APAF1: variants seen among roughly 807,000 people sequenced by gnomAD.
APAF1 encodes apoptotic peptidase activating factor 1.
In APAF1, 91 loss-of-function variants were observed where a neutral mutation model predicts 152.4. The ratio of observed to expected loss-of-function variants is 0.60; its 90% CI spans 0.50 to 0.71. The LOEUF (loss-of-function observed/expected upper bound fraction) is 0.71, where lower values mean the gene tolerates loss of function less well. Among genes scored for constraint, APAF1 ranks in the 30% least tolerant of loss-of-function variants. The pLI is 0.00. For missense variants in APAF1, 1,283 were observed against 1,472.0 expected, an observed-to-expected ratio of 0.87 and a Z score of 2.10; for synonymous variants, 484 against 494.1, an observed-to-expected ratio of 0.98 and a Z score of 0.27.
At chr12:98,699,978 G>A (rs2097713649) in intron 17 of APAF1, among the ~76,000 whole-genome samples, 1 of 151,966 alleles carries the variant, frequency 6.6e-6, no homozygotes, top group Non-Finnish European at 1.5e-5. Context: ...TTTTCAAAGT[G>A]TTTTCTTACA....
At chr12:98,703,330 A>G (rs1453870025) in intron 17 of APAF1, 41 bp from the exon 18 acceptor site, 2 of 1,608,894 alleles carry the variant, frequency 1.2e-6, no homozygotes, top group Non-Finnish European at 1.7e-6. Flanking sequence ...TTATCTCTTA[A>G]AGTATTTTAC....
intron 5 of APAF1, among the ~76,000 whole-genome samples, chr12:98,660,529 T>C (rs1204385425): frequency 6.6e-6 from 1 of 152,200 alleles, no homozygotes; most frequent in African/African-American, 2.4e-5. Flanking sequence ...CAGGCACTGT[T>C]ATCAAGTGTT....
chr12:98,678,123 A>T (rs369243616), intron 13 of APAF1, among the ~76,000 whole-genome samples: 2 of 152,362 alleles, frequency 1.3e-5, no homozygotes, highest in East Asian at 3.9e-4. Context: ...TCTTTGCAAG[A>T]TTATGACTCC....
intron 21 of APAF1, 53 bp from the exon 22 acceptor site, chr12:98,715,373 TG>T: frequency 6.3e-7 from 1 of 1,575,700 alleles, no homozygotes; most frequent in South Asian, 1.1e-5. Context: ...TGGGGTGTAA[TG>T]CCTATGTATT....
intron 3 of APAF1, 160 bp downstream of exon 3, chr12:98,648,975 A>G (rs551574711): frequency 1.0e-4 from 85 of 817,082 alleles, no homozygotes; most frequent in Non-Finnish European, 1.3e-4. Context: ...TTTTATTTGC[A>G]TCCACATTAA....
At chr12:98,669,750 A>C (rs2153319249) in intron 10 of APAF1, among the ~76,000 whole-genome samples, 1 of 152,252 alleles carries the variant, frequency 6.6e-6, no homozygotes, top group Middle Eastern at 3.4e-3. Flanking sequence ...GTGCAGTTTA[A>C]ATTTTAATAC....
In APAF1 at chr12:98,677,589, G is replaced by C. The variant is rs147417898; in HGVS notation, c.1920+38G>C. 6,442 of 1,613,674 alleles carry C rather than the reference G, an allele frequency of 4.0e-3. 18 individuals are homozygous for C. The highest frequency in any genetic ancestry group is 4.8e-3 in the Non-Finnish European group (5,671 of 1,179,734). On this transcript the variant is annotated intron_variant, in intron 13 of 26. Coordinates refer to ENST00000551964, the MANE Select transcript of APAF1 (RefSeq NM_181861.2). Reference sequence around the variant, plus strand: ...TCTTGAGAAAAATGCAAAGAGGCATGTATCCAGTTTTGTGCAGATCAGAAT... The same window carrying C: ...TCTTGAGAAAAATGCAAAGAGGCATCTATCCAGTTTTGTGCAGATCAGAAT...
Position 98,700,715 on chromosome 12 carries a change from C to T in APAF1, c.2466+1146C>T, listed in dbSNP as rs542455334. ...TGTAGCCATTACTACTATATATTTC[C>T]AAAACTTTTTCATCACCCTAAACAG... On this transcript the variant is annotated intron_variant, in intron 17 of 26. Transcript: ENST00000551964. Among the ~76,000 whole-genome samples, 30 of 152,234 alleles carry T rather than the reference C, an allele frequency of 2.0e-4. No individual in the cohort carries two copies. In the South Asian group the frequency reaches 5.8e-3, roughly 29 times the overall value.
chr12:98,731,730 C>G (rs953622402), intron 26 of APAF1, among the ~76,000 whole-genome samples: 1 of 152,132 alleles, frequency 6.6e-6, no homozygotes, highest in Non-Finnish European at 1.5e-5. Flanking sequence ...TTGTCTCTTG[C>G]CCCCATTTTA....
chr12:98,708,756 T>A (rs2153338213), intron 20 of APAF1, 52 bp downstream of exon 20: 1 of 1,587,576 alleles, frequency 6.3e-7, no homozygotes, highest in Non-Finnish European at 8.6e-7. Context: ...GAATTTTCTA[T>A]TCACGGTTTT....
intron 12 of APAF1, among the ~76,000 whole-genome samples, chr12:98,677,117 G>A (rs1215021147): frequency 6.6e-6 from 1 of 152,170 alleles, no homozygotes; most frequent in Non-Finnish European, 1.5e-5. Flanking sequence ...AAGGAAAATG[G>A]AAAGTGACAT....
rs1208708197 is a variant in APAF1 at position 98,715,319 on chromosome 12, A to C, written c.2959-108A>C. On this transcript the variant is annotated intron_variant, in intron 21 of 26. Coordinates refer to ENST00000551964, the MANE Select transcript of APAF1 (RefSeq NM_181861.2). ...TTTTTAATTAGGCTGGAAGCACCAG[A>C]TGGAAATTCTGTACCCTCCAGTCTA... The C allele has an allele frequency of 3.7e-6, 3 of 815,672 alleles. No individual in the cohort carries two copies. The East Asian group carries it at 9.6e-5, about 26-fold the overall frequency. The allele number at this position is 815,672 out of a possible 1,614,324, so 50.5% of individuals were successfully genotyped here.
chr12:98,688,013 C>T (rs897272316), intron 16 of APAF1, among the ~76,000 whole-genome samples: 1 of 151,912 alleles, frequency 6.6e-6, no homozygotes, highest in African/African-American at 2.4e-5. Flanking sequence ...AGTTTCACCA[C>T]GTTGGCCAGT....
At chr12:98,710,424 G>A (rs2097726704) in intron 20 of APAF1, among the ~76,000 whole-genome samples, 1 of 152,116 alleles carries the variant, frequency 6.6e-6, no homozygotes, top group Non-Finnish European at 1.5e-5. Context: ...ATGAATGTGT[G>A]TGAGAGAGTG....
intron 25 of APAF1, among the ~76,000 whole-genome samples, chr12:98,726,280 A>G (rs577791032): frequency 3.0e-4 from 46 of 152,356 alleles, no homozygotes; most frequent in African/African-American, 1.0e-3. Context: ...AAAGAATTGC[A>G]TGCTGAAAGA....
chr12:98,648,224 G>GT, intron 1 of APAF1, 95 bp from the exon 2 acceptor site: 3 of 1,258,478 alleles, frequency 2.4e-6, no homozygotes, highest in Non-Finnish European at 3.4e-6. Flanking sequence ...AAAAAAATCA[G>GT]TTTTGTTCTT....
At chr12:98,724,831 C>T (rs543276628) in intron 24 of APAF1, among the ~76,000 whole-genome samples, 4 of 152,176 alleles carry the variant, frequency 2.6e-5, no homozygotes, top group African/African-American at 9.6e-5. Flanking sequence ...GCGCTTGGAA[C>T]TTGGTAGTTT....
chr12:98,686,150 A>G (rs1420372804), intron 15 of APAF1, among the ~76,000 whole-genome samples: 2 of 152,204 alleles, frequency 1.3e-5, no homozygotes, highest in Non-Finnish European at 2.9e-5. Flanking sequence ...GTTTGTTGGA[A>G]TCAGAATCCA....
intron 16 of APAF1, among the ~76,000 whole-genome samples, chr12:98,693,523 G>C (rs943532938): frequency 1.3e-5 from 2 of 152,124 alleles, no homozygotes; most frequent in African/African-American, 4.8e-5. Context: ...CCCTGGGGTT[G>C]ATAAGTTTGT....
Sources: allele counts gnomAD v4.1 joint callset (sites outside exome capture counted in the v4.1 genomes callset), GRCh38; gene constraint gnomAD v4.1.1; transcripts MANE v1.5; gene names NCBI Gene and HGNC (gene_info 2026-07-23, HGNC 2026-07-21).